The following CTBP1 variants were observed in gnomAD, a reference collection of about 807,000 sequenced individuals.
CTBP1 encodes C-terminal binding protein 1.
Under a neutral mutation model 42.1 loss-of-function variants are expected in CTBP1, and 11 were observed. The ratio of observed to expected loss-of-function variants is 0.26; its 90% CI spans 0.16 to 0.43. CTBP1 has a LOEUF of 0.43. Among genes scored for constraint, CTBP1 ranks in the 20% least tolerant of loss-of-function variants. The pLI is 1.00. For missense variants in CTBP1, 399 were observed against 624.3 expected, an observed-to-expected ratio of 0.64 and a Z score of 3.85; for synonymous variants, 324 against 277.1, an observed-to-expected ratio of 1.17 and a Z score of -1.68.
At chr4:1,239,323 T>G (rs1272576430) in intron 2 of CTBP1, among the ~76,000 whole-genome samples, 1 of 152,108 alleles carries the variant, frequency 6.6e-6, no homozygotes, top group Middle Eastern at 3.2e-3. Flanking sequence ...GAGGCGGAGC[T>G]GGGGCCAGGG....
chr4:1,226,679 C>T (rs1730382817), intron 4 of CTBP1, among the ~76,000 whole-genome samples: 1 of 151,550 alleles, frequency 6.6e-6, no homozygotes, highest in Admixed American at 6.6e-5. Flanking sequence ...AGATGGTAAA[C>T]AGCAGGGACC....
rs1195333655 is a variant in CTBP1 at position 1,245,196 on chromosome 4, G to A, written c.-188-3677C>T. ...CATCCCTGTGAGCCAGGGAGCCACC[G>A]CACTCCACGGGGCCTGCAGGGCCGC... On this transcript the variant is annotated intron_variant, in intron 1 of 9. Coordinates refer to ENST00000382952, the MANE Select transcript of CTBP1 (RefSeq NM_001012614.2). 24 of 985,412 alleles carry A rather than the reference G, an allele frequency of 2.4e-5. No individual in the cohort carries two copies. In the East Asian group the frequency reaches 1.7e-3, roughly 70 times the overall value. The allele number at this position is 985,412 out of a possible 1,614,324, so 61.0% of individuals were successfully genotyped here.
rs1190101176 is a variant in CTBP1 at position 1,233,558 on chromosome 4, C to G, written c.162+4625G>C. ...CCTTTTTCTTGCTCAGCAGTTTGATCAGATGTGCAGTGCTGGGCTGAAAAC... is the reference window on the plus strand; with the variant it reads ...CCTTTTTCTTGCTCAGCAGTTTGATGAGATGTGCAGTGCTGGGCTGAAAAC... On this transcript the variant is annotated intron_variant, in intron 3 of 9. Transcript: ENST00000382952. This position sits in a 1 kb window ranked among gnomAD's most constrained non-coding sequence, Gnocchi z 4.6. Among the ~76,000 whole-genome samples the G allele has an allele frequency of 6.6e-6, 1 of 152,120 alleles. No homozygotes were observed. The highest frequency in any genetic ancestry group is 1.5e-5 in the Non-Finnish European group (1 of 68,024).
Position 1,233,762 on chromosome 4 carries a change from C to A in CTBP1, c.162+4421G>T, listed in dbSNP as rs866189700. On this transcript the variant is annotated intron_variant, in intron 3 of 9. Coordinates refer to ENST00000382952, the MANE Select transcript of CTBP1 (RefSeq NM_001012614.2). This position sits in a 1 kb window ranked among gnomAD's most constrained non-coding sequence, Gnocchi z 4.6. ...TCCTGTGACCGCACTGACGGTATCA[C>A]GTTCTCTCCCTCCACGGCACTCAGA... is the stretch of plus-strand genomic sequence containing the variant. Among the ~76,000 whole-genome samples the A allele has an allele frequency of 6.6e-6, 1 of 152,232 alleles. No individual in the cohort carries two copies. Among genetic ancestry groups the A allele is most frequent in the South Asian group, 2.1e-4 (1 of 4,834 alleles).
At chr4:1,244,761 G>A in intron 1 of CTBP1, 2 of 985,286 alleles carry the variant, frequency 2.0e-6, no homozygotes, top group Non-Finnish European at 2.4e-6. Flanking sequence ...TCGTGACAAA[G>A]CTGCCCTGCC....
intron 3 of CTBP1, chr4:1,234,985 G>C (rs1182945392): frequency 6.6e-6 from 1 of 152,272 alleles, no homozygotes; most frequent in Non-Finnish European, 1.5e-5. Flanking sequence ...GGGATGAAGA[G>C]ATCATACAGT....
intron 5 of CTBP1, among the ~76,000 whole-genome samples, chr4:1,220,289 CAAAAAAAA>C (rs796075205): frequency 8.7e-6 from 1 of 114,470 alleles, no homozygotes; most frequent in South Asian, 2.7e-4. Flanking sequence ...AGACTGTCTC[CAAAAAAAA>C]AAAAAGAAAA....
At chr4:1,245,343 C>T (rs1230852834) in intron 1 of CTBP1, 1 of 985,460 alleles carries the variant, frequency 1.0e-6, no homozygotes, top group Non-Finnish European at 1.2e-6. Context: ...AGCACATGCA[C>T]ACAACCTGTG....
At chr4:1,228,138 G>C in intron 4 of CTBP1, 61 bp downstream of exon 4, 4 of 1,589,536 alleles carry the variant, frequency 2.5e-6, no homozygotes, top group Non-Finnish European at 3.4e-6. Flanking sequence ...CTCCATGGAC[G>C]AAGCAAGACG....
intron 3 of CTBP1, among the ~76,000 whole-genome samples, chr4:1,231,369 ACCT>A (rs1334796017): frequency 6.6e-6 from 1 of 151,952 alleles, no homozygotes; most frequent in African/African-American, 2.4e-5. Flanking sequence ...CCCAGAAACC[ACCT>A]CAAGCCAACA....
At chr4:1,243,238 C>G (rs1326051431) in intron 1 of CTBP1, 4 of 985,284 alleles carry the variant, frequency 4.1e-6, no homozygotes, top group Admixed American at 6.1e-5. Flanking sequence ...CTGGCCAGTA[C>G]GTGCCCACAC....
intron 5 of CTBP1, chr4:1,223,529 C>A: frequency 2.2e-6 from 1 of 455,476 alleles, no homozygotes; most frequent in Non-Finnish European, 4.4e-6. Flanking sequence ...GTTTGGGAAG[C>A]GGGGGGCCGG....
At chr4:1,212,597 TG>T in intron 9 of CTBP1, 174 bp from the exon 10 acceptor site, 1 of 656,868 alleles carries the variant, frequency 1.5e-6, no homozygotes, top group Non-Finnish European at 2.5e-6. Context: ...TTCTCAGGGC[TG>T]GGGAGGGGAG....
At chr4:1,247,835 T>C (rs1487583585) in intron 1 of CTBP1, among the ~76,000 whole-genome samples, 1 of 150,938 alleles carries the variant, frequency 6.6e-6, no homozygotes, top group Admixed American at 6.6e-5. Context: ...CTCCAGGCCC[T>C]CTTGCCCCAA....
intron 3 of CTBP1, among the ~76,000 whole-genome samples, chr4:1,228,681 T>C (rs986313936): frequency 1.3e-5 from 2 of 149,492 alleles, no homozygotes; most frequent in African/African-American, 4.9e-5. Context: ...CTGCTCAGCC[T>C]TGTGGAAGAA....
At chr4:1,225,799 C>T (rs1477952829) in intron 4 of CTBP1, among the ~76,000 whole-genome samples, 5 of 152,192 alleles carry the variant, frequency 3.3e-5, no homozygotes, top group African/African-American at 9.7e-5. Flanking sequence ...AGCACACACA[C>T]GGCAACTGCT....
Position 1,238,351 on chromosome 4 carries a change from G to A in CTBP1, c.8-14C>T. The stretch of plus-strand genomic sequence containing the variant: ...GAGGTCGGACGCCTGCAAGACAGAG[G>A]CAAGTGCTCAGCCTTGCACCACTGC... On this transcript the variant is annotated splice_polypyrimidine_tract_variant and intron_variant, in intron 2 of 9. Coordinates refer to ENST00000382952, the MANE Select transcript of CTBP1 (RefSeq NM_001012614.2). The surrounding 1 kb of genome is among the most constrained non-coding windows in gnomAD (Gnocchi z 5.9). The A allele has an allele frequency of 1.9e-6, 3 of 1,548,562 alleles. No individual in the cohort carries two copies. The highest frequency in any genetic ancestry group is 2.6e-6 in the Non-Finnish European group (3 of 1,145,484).
intron 5 of CTBP1, chr4:1,217,495 G>A (rs902576075): frequency 6.6e-6 from 1 of 152,420 alleles, no homozygotes; most frequent in Non-Finnish European, 1.5e-5. Context: ...CCCACCAAAT[G>A]GGGAGGAAGA....
At chr4:1,240,904 C>T (rs554592715) in intron 2 of CTBP1, among the ~76,000 whole-genome samples, 5 of 152,340 alleles carry the variant, frequency 3.3e-5, no homozygotes, top group African/African-American at 1.2e-4. Context: ...CACGCACTTC[C>T]GGGCCAGAGA....
Sources: allele counts gnomAD v4.1 joint callset (sites outside exome capture counted in the v4.1 genomes callset), GRCh38; gene constraint gnomAD v4.1.1; non-coding constraint Gnocchi (gnomAD v3.1); transcripts MANE v1.5; gene names NCBI Gene and HGNC (gene_info 2026-07-23, HGNC 2026-07-21).